DPP6: variants seen among roughly 807,000 people sequenced by gnomAD.
DPP6 encodes the protein A-type potassium channel modulatory protein DPP6.
DPP6 carries 69 observed loss-of-function variants against 122.6 expected under a neutral mutation model. The ratio of observed to expected loss-of-function variants is 0.56; its 90% CI spans 0.46 to 0.69. DPP6 has a LOEUF of 0.69. Ranked by LOEUF, DPP6 falls within the 30% of genes least tolerant of loss-of-function variation. The pLI is 0.00. For synonymous variants in DPP6, 418 were observed against 433.1 expected, an observed-to-expected ratio of 0.97 and a Z score of 0.43; for missense variants, 928 against 1,116.9, an observed-to-expected ratio of 0.83 and a Z score of 2.41.
chr7:154,032,878 T>C (rs1296768190), intron 1 of DPP6, among the ~76,000 whole-genome samples: 1 of 133,088 alleles, frequency 7.5e-6, no homozygotes, highest in Non-Finnish European at 1.6e-5. Context: ...TACCCCCTTG[T>C]TGTGTGGGGC....
chr7:154,508,788 A>C (rs1253516239), intron 3 of DPP6, among the ~76,000 whole-genome samples: 1 of 152,226 alleles, frequency 6.6e-6, no homozygotes, highest in Non-Finnish European at 1.5e-5. Flanking sequence ...GAGAAGAGAA[A>C]ATAGCATAGA....
intron 15 of DPP6, among the ~76,000 whole-genome samples, chr7:154,806,065 G>T (rs1453626106): frequency 6.6e-6 from 1 of 152,242 alleles, no homozygotes; most frequent in African/African-American, 2.4e-5. Context: ...GATGAGGTCA[G>T]CATGAGGGAG....
chr7:153,768,647 G>A, the DPP6 span, among the ~76,000 whole-genome samples: 4 of 152,110 alleles, frequency 2.6e-5, no homozygotes, highest in African/African-American at 9.7e-5. Context: ...TATTGGCCAT[G>A]TATATTGTCT....
chr7:153,803,976 C>T, the DPP6 span, among the ~76,000 whole-genome samples: 37 of 151,824 alleles, frequency 2.4e-4, no homozygotes, highest in Admixed American at 5.3e-4. Context: ...AATTTCAAGT[C>T]TTTGCTCAAA....
chr7:154,750,251 C>T (rs1366411842), intron 8 of DPP6, among the ~76,000 whole-genome samples: 1 of 152,190 alleles, frequency 6.6e-6, no homozygotes, highest in African/African-American at 2.4e-5. Context: ...TGAACACCCT[C>T]GCTCTCCAGA....
chr7:154,664,181 T>C (rs879925804), intron 6 of DPP6, among the ~76,000 whole-genome samples: 9 of 151,680 alleles, frequency 5.9e-5, no homozygotes, highest in Non-Finnish European at 1.0e-4. Flanking sequence ...TATGGCATAT[T>C]GGCGCTAGTG....
intron 18 of DPP6, 137 bp from the exon 19 acceptor site, chr7:154,872,487 T>C: frequency 7.3e-7 from 1 of 1,369,646 alleles, no homozygotes; most frequent in African/African-American, 1.4e-5. Context: ...ATGAAAACCC[T>C]GGGCCAGTCT....
chr7:154,239,992 TAAAA>T (rs763543397), intron 1 of DPP6, among the ~76,000 whole-genome samples: 1 of 50,396 alleles, frequency 2.0e-5, no homozygotes. Context: ...ATGCTGTCTT[TAAAA>T]AAAAAAAAAA....
At chr7:154,679,868 G>A (rs1198515725) in intron 7 of DPP6, among the ~76,000 whole-genome samples, 1 of 152,142 alleles carries the variant, frequency 6.6e-6, no homozygotes, top group Non-Finnish European at 1.5e-5. Context: ...TTTGGTGAGT[G>A]ATTTGTTAGC....
chr7:154,277,039 C>G (rs1804185340), intron 1 of DPP6, among the ~76,000 whole-genome samples: 1 of 152,042 alleles, frequency 6.6e-6, no homozygotes, highest in Non-Finnish European at 1.5e-5. Flanking sequence ...ACAAAAAATA[C>G]AAAAATGTGG....
At chr7:154,716,258 C>CCCTGGAACACAAGGCTTCTCCCA (rs759569918) in intron 7 of DPP6, among the ~76,000 whole-genome samples, 5 of 152,188 alleles carry the variant, frequency 3.3e-5, no homozygotes, top group Non-Finnish European at 7.3e-5. Flanking sequence ...GCCCCAACTT[C>CCCTGGAACACAAGGCTTCTCCCA]CCTGGAACAC....
chr7:154,415,530 C>T (rs1816950224), intron 1 of DPP6, among the ~76,000 whole-genome samples: 1 of 151,842 alleles, frequency 6.6e-6, no homozygotes, highest in Admixed American at 6.6e-5. Context: ...GTACAAGTGG[C>T]TATGTGAGAC....
At chr7:153,909,420 T>A (rs1563223958) in intron 1 of DPP6, among the ~76,000 whole-genome samples, 1 of 93,324 alleles carries the variant, frequency 1.1e-5, no homozygotes, top group Non-Finnish European at 2.8e-5. Context: ...AACATGCTTT[T>A]ACATTTATCT....
chr7:154,539,203 C>G (rs1828508207), intron 3 of DPP6, among the ~76,000 whole-genome samples: 1 of 152,114 alleles, frequency 6.6e-6, no homozygotes, highest in Non-Finnish European at 1.5e-5. Context: ...CACTGTGGGC[C>G]CTGCCTCTCA....
At chr7:154,179,138 C>T (rs1409902430) in intron 1 of DPP6, among the ~76,000 whole-genome samples, 1 of 152,214 alleles carries the variant, frequency 6.6e-6, no homozygotes, top group African/African-American at 2.4e-5. Flanking sequence ...CATAAACTCA[C>T]AGGACTGCAG....
At chr7:154,275,693 G>T (rs1804083479) in intron 1 of DPP6, among the ~76,000 whole-genome samples, 1 of 152,224 alleles carries the variant, frequency 6.6e-6, no homozygotes, top group African/African-American at 2.4e-5. Flanking sequence ...AGTTTAATCA[G>T]CTCCCTCCTC....
chr7:154,587,801 A>C, intron 5 of DPP6: 1 of 1,612,528 alleles, frequency 6.2e-7, no homozygotes, highest in Non-Finnish European at 8.5e-7. Context: ...CTGCGTGACT[A>C]TGTCTCGGCA....
intron 1 of DPP6, among the ~76,000 whole-genome samples, chr7:154,070,047 G>A (rs556205959): frequency 6.6e-6 from 1 of 152,042 alleles, no homozygotes; most frequent in African/African-American, 2.4e-5. Context: ...GCGAGACTCC[G>A]TCTCAAAACA....
rs1837989822 is a variant in DPP6, at chr7:154,664,200, G to T, written c.681-5160G>T. Among the ~76,000 whole-genome samples the T allele has an allele frequency of 2.6e-5, 4 of 151,992 alleles. No homozygotes were observed. The South Asian group carries it at 8.3e-4, about 32-fold the overall frequency. ...GCATATTGGCGCTAGTGTTCATAAAGTCATTGTGAATCACCATGGCTTGTT... is the reference window on the plus strand; with the variant it reads ...GCATATTGGCGCTAGTGTTCATAAATTCATTGTGAATCACCATGGCTTGTT... On this transcript the variant is annotated intron_variant, in intron 6 of 25. Transcript: ENST00000377770.
Sources: gnomAD v4.1 joint callset for allele counts (sites outside exome capture counted in the v4.1 genomes callset) on GRCh38, gnomAD v4.1.1 for gene constraint, MANE v1.5 for transcripts, NCBI Gene and HGNC (gene_info 2026-07-23, HGNC 2026-07-21) for gene names.